The following ZFHX3 variants were observed in gnomAD, a reference collection of about 807,000 sequenced individuals.
ZFHX3 encodes zinc finger homeobox 3.
In ZFHX3, 42 loss-of-function variants were observed where a neutral mutation model predicts 279.1. The observed-to-expected ratio is 0.15, with a 90% CI of 0.12 to 0.19. ZFHX3 has a LOEUF of 0.19. ZFHX3 is among the 10% of genes least tolerant of loss of function. ZFHX3 has a pLI of 1.00. For synonymous variants in ZFHX3, 2,293 were observed against 1,957.8 expected, an observed-to-expected ratio of 1.17 and a Z score of -4.52; for missense variants, 4,981 against 4,754.0, an observed-to-expected ratio of 1.05 and a Z score of -1.40.
At chr16:73,216,986 A>G (rs1284391108) in intron 5 of ZFHX3, among the ~76,000 whole-genome samples, 1 of 152,178 alleles carries the variant, frequency 6.6e-6, no homozygotes, top group Non-Finnish European at 1.5e-5. Context: ...GTTCTCCCTT[A>G]GGATTTCAGC....
intron 3 of ZFHX3, among the ~76,000 whole-genome samples, chr16:73,437,309 T>G (rs766610395): frequency 1.3e-5 from 2 of 152,198 alleles, no homozygotes; most frequent in Non-Finnish European, 2.9e-5. Context: ...AAATGCTCAG[T>G]TCCCTTTTTG....
chr16:73,597,167 T>C (rs939351857), intron 2 of ZFHX3, among the ~76,000 whole-genome samples: 2 of 152,212 alleles, frequency 1.3e-5, no homozygotes, highest in African/African-American at 4.8e-5. Flanking sequence ...CAGTACGTTA[T>C]CTCTGTGCAT....
intron 4 of ZFHX3, among the ~76,000 whole-genome samples, chr16:73,307,475 A>G (rs1362702374): frequency 6.6e-6 from 1 of 152,242 alleles, no homozygotes; most frequent in Non-Finnish European, 1.5e-5. Context: ...TGAAACGGGA[A>G]AAACTGCTTC....
intron 1 of ZFHX3, among the ~76,000 whole-genome samples, chr16:73,793,550 T>C (rs1054122146): frequency 6.6e-6 from 1 of 152,372 alleles, no homozygotes; most frequent in African/African-American, 2.4e-5. Context: ...ATACTAATTG[T>C]AGCTGTGCTG....
At chr16:73,798,466 A>AC (rs1260610983) in intron 1 of ZFHX3, among the ~76,000 whole-genome samples, 3 of 151,588 alleles carry the variant, frequency 2.0e-5, no homozygotes, top group Admixed American at 6.6e-5. Flanking sequence ...GAGGAGAGAT[A>AC]CCCCCCAAAA....
intron 1 of ZFHX3, among the ~76,000 whole-genome samples, chr16:73,815,168 G>A (rs997167866): frequency 6.6e-6 from 1 of 152,162 alleles, no homozygotes; most frequent in African/African-American, 2.4e-5. Flanking sequence ...AATTATAATA[G>A]CATCTATTGT....
intron 1 of ZFHX3, among the ~76,000 whole-genome samples, chr16:73,690,387 A>C (rs7189732): frequency 0.13 from 20,207 of 152,230 alleles, 1,441 homozygotes; most frequent in Middle Eastern, 0.15. Context: ...AGGTAAGAAG[A>C]AAATTTCAAA....
chr16:73,053,701 G>C (rs764648152), intron 1 of ZFHX3, among the ~76,000 whole-genome samples: 1 of 152,078 alleles, frequency 6.6e-6, no homozygotes, highest in Non-Finnish European at 1.5e-5. Context: ...ACAGCCACGC[G>C]ACCCTCAGCC....
At chr16:73,425,027 C>A (rs904499129) in intron 3 of ZFHX3, among the ~76,000 whole-genome samples, 1 of 152,148 alleles carries the variant, frequency 6.6e-6, no homozygotes, top group Non-Finnish European at 1.5e-5. Context: ...CCTGTCCCCA[C>A]CCTCTCTTCT....
intron 2 of ZFHX3, among the ~76,000 whole-genome samples, chr16:73,589,958 G>A (rs2051977203): frequency 6.6e-6 from 1 of 152,024 alleles, no homozygotes; most frequent in African/African-American, 2.4e-5. Context: ...CAAGTTGACA[G>A]TACATCTAAA....
At chr16:73,456,992 CAG>C (rs1274785550) in intron 2 of ZFHX3, among the ~76,000 whole-genome samples, 1 of 152,154 alleles carries the variant, frequency 6.6e-6, no homozygotes, top group African/African-American at 2.4e-5. Flanking sequence ...TTGAAAGGGA[CAG>C]ATTGGAGATA....
chr16:72,894,069 A>T (rs534495354), intron 3 of ZFHX3, among the ~76,000 whole-genome samples: 1 of 151,734 alleles, frequency 6.6e-6, no homozygotes. Flanking sequence ...AAATCGCTTG[A>T]ACCTGGGAGG....
Position 72,787,149 on chromosome 16 carries a change from G to T in ZFHX3, c.*15C>A. ...GTATTTAAATTCATTTGTTTGTATT[G>T]TTCATCTTCAAAGCTTACAATCTGA... On this transcript the variant is annotated 3_prime_UTR_variant, in exon 10 of 10. Coordinates refer to ENST00000268489, the MANE Select transcript of ZFHX3 (RefSeq NM_006885.4). The T allele has an allele frequency of 7.1e-7, 1 of 1,406,422 alleles. No homozygotes were observed. 87.1% of individuals were successfully genotyped at this position (1,406,422 alleles called of 1,614,324 possible). A position where few individuals can be genotyped will look rare whatever the true frequency, so the allele number is the denominator to read the frequency against.
intron 1 of ZFHX3, among the ~76,000 whole-genome samples, chr16:73,858,109 G>A (rs889386990): frequency 2.8e-5 from 4 of 140,762 alleles, no homozygotes; most frequent in African/African-American, 1.2e-4. Flanking sequence ...AAAAAAAAAA[G>A]AAGAAGAAGA....
intron 5 of ZFHX3, among the ~76,000 whole-genome samples, chr16:73,218,973 G>C (rs539059502): frequency 3.3e-5 from 5 of 152,120 alleles, no homozygotes; most frequent in Admixed American, 3.3e-4. Flanking sequence ...CCAGCTTCTG[G>C]CCACCACAAA....
rs547872400 is a variant in ZFHX3 at position 73,364,351 on chromosome 16, A to G, written c.-1290-46015T>C. 2.1e-3 allele frequency among the ~76,000 whole-genome samples: 314 copies of G among 149,304 alleles called. 1 individual carries two copies. The highest frequency in any genetic ancestry group is 3.1e-3 in the Non-Finnish European group (210 of 67,462). On this transcript the variant is annotated intron_variant, in intron 3 of 17. Coordinates refer to the ZFHX3 transcript ENST00000641206. ...TTATAATAAATTCAATAATAATAGT[A>G]ATATTACTATAATATTGTAATATTA... is the stretch of plus-strand genomic sequence containing the variant.
chr16:73,135,120 A>T (rs1827605849), intron 6 of ZFHX3, among the ~76,000 whole-genome samples: 1 of 152,228 alleles, frequency 6.6e-6, no homozygotes, highest in Non-Finnish European at 1.5e-5. Flanking sequence ...TTGTAAGGAT[A>T]ATATCTTTAA....
intron 1 of ZFHX3, among the ~76,000 whole-genome samples, chr16:73,828,559 TGTTTAGC>T (rs1208663877): frequency 6.6e-5 from 6 of 90,756 alleles, no homozygotes; most frequent in African/African-American, 2.8e-4. Flanking sequence ...TCCCTTTCCA[TGTTTAGC>T]GCTTCCTTCA....
chr16:73,639,045 GGTCT>G (rs895776614), intron 2 of ZFHX3, among the ~76,000 whole-genome samples: 27 of 152,216 alleles, frequency 1.8e-4, no homozygotes, highest in Admixed American at 3.3e-4. Flanking sequence ...ATGAGCTAGT[GGTCT>G]GTCTAACAGA....
Sources: gnomAD v4.1 joint callset for allele counts (sites outside exome capture counted in the v4.1 genomes callset) on GRCh38, gnomAD v4.1.1 for gene constraint, MANE v1.5 for transcripts, NCBI Gene and HGNC (gene_info 2026-07-23, HGNC 2026-07-21) for gene names.